The following CCDC126 variants were observed in gnomAD, a reference collection of about 807,000 sequenced individuals.
CCDC126 encodes coiled-coil domain-containing protein 126.
Under a neutral mutation model 11.7 loss-of-function variants are expected in CCDC126, and 5 were observed. That is an observed-to-expected ratio of 0.43 (90% CI 0.22 to 0.90). The LOEUF (loss-of-function observed/expected upper bound fraction) is 0.90. CCDC126 is among the 40% of genes least tolerant of loss of function. The probability of loss-of-function intolerance (pLI) is 0.27; values close to 1 mark genes in which losing one functional copy is unlikely to be tolerated. For missense variants in CCDC126, 150 were observed against 163.1 expected, an observed-to-expected ratio of 0.92 and a Z score of 0.44; for synonymous variants, 60 against 61.9, an observed-to-expected ratio of 0.97 and a Z score of 0.14.
chr7:23,612,603 G>T (rs1280748195), intron 3 of CCDC126, among the ~76,000 whole-genome samples: 1 of 151,604 alleles, frequency 6.6e-6, no homozygotes, highest in Admixed American at 6.6e-5. Context: ...AGCCCAAGAG[G>T]TCAAGGATAC....
rs951385426 is a variant in CCDC126 at position 23,636,750 on chromosome 7, A to T, written c.239-6181A>T. ...TGAGGAGCGTCTCCGCCCGGCAGCCACCCCGTCCGGGAGGGAGGTGGGGGG... is the reference window on the plus strand; with the variant it reads ...TGAGGAGCGTCTCCGCCCGGCAGCCTCCCCGTCCGGGAGGGAGGTGGGGGG... On this transcript the variant is annotated intron_variant, in intron 3 of 3. Coordinates refer to ENST00000307471, the MANE Select transcript of CCDC126 (RefSeq NM_138771.4). 2.4e-5 allele frequency among the ~76,000 whole-genome samples: 3 copies of T among 124,524 alleles called. 1 individual carries two copies. Among genetic ancestry groups the T allele is most frequent in the East Asian group, 2.5e-4 (1 of 3,956 alleles). The allele number at this position is 124,524 out of a possible 152,430, so 81.7% of individuals were successfully genotyped here.
chr7:23,621,792 G>T (rs905151507), intron 3 of CCDC126, among the ~76,000 whole-genome samples: 13 of 152,260 alleles, frequency 8.5e-5, no homozygotes, highest in Middle Eastern at 3.4e-3. Context: ...TAGCATGAAG[G>T]CCTGTTGAAT....
At chr7:23,632,974 CAT>C (rs751167575) in intron 3 of CCDC126, among the ~76,000 whole-genome samples, 2 of 152,196 alleles carry the variant, frequency 1.3e-5, no homozygotes, top group Non-Finnish European at 2.9e-5. Context: ...TTAGTTCACT[CAT>C]GTGATCTAAA....
rs200378392 is a variant in CCDC126 at position 23,635,866 on chromosome 7, G to GCTCTCCCTCTCCCTCTCC, written c.239-7051_239-7034dup. On this transcript the variant is annotated intron_variant, in intron 3 of 3. Transcript: ENST00000307471. ...TGTTAATGAGTTAAGACTGTCCCCT[G>GCTCTCCCTCTCCCTCTCC]CTCTCCCTCTCCCTCTCCCTCTCCC... Among the ~76,000 whole-genome samples the GCTCTCCCTCTCCCTCTCC allele has an allele frequency of 5.9e-5, 9 of 151,752 alleles. 1 individual carries two copies. Among genetic ancestry groups the GCTCTCCCTCTCCCTCTCC allele is most frequent in the South Asian group, 2.1e-4 (1 of 4,776 alleles).
intron 3 of CCDC126, among the ~76,000 whole-genome samples, chr7:23,632,316 G>T (rs113859094): frequency 4.7e-4 from 72 of 152,202 alleles, no homozygotes; most frequent in African/African-American, 1.7e-3. Flanking sequence ...GCTGGTCTTG[G>T]AACTCCTGAC....
At chr7:23,601,797 C>G (rs1782549398) in intron 2 of CCDC126, 1 of 152,180 alleles carries the variant, frequency 6.6e-6, no homozygotes, top group Non-Finnish European at 1.5e-5. Flanking sequence ...AGTCCTCCTG[C>G]CTCACCCTCC....
At chr7:23,630,766 A>G (rs377630984) in intron 3 of CCDC126, among the ~76,000 whole-genome samples, 3 of 151,152 alleles carry the variant, frequency 2.0e-5, no homozygotes, top group Non-Finnish European at 4.4e-5. Context: ...AATATTTACC[A>G]AAGTAGACCT....
intron 3 of CCDC126, among the ~76,000 whole-genome samples, chr7:23,626,398 C>T (rs1384540086): frequency 6.6e-6 from 1 of 152,036 alleles, no homozygotes; most frequent in East Asian, 1.9e-4. Flanking sequence ...TACAAATAAG[C>T]TAGTCAATCA....
chr7:23,637,905 G>A (rs1783267247), intron 3 of CCDC126, among the ~76,000 whole-genome samples: 1 of 120,340 alleles, frequency 8.3e-6, no homozygotes. Context: ...CTGCCCGGCC[G>A]CCCCTACTGG....
chr7:23,628,884 C>G (rs889022537), intron 3 of CCDC126, among the ~76,000 whole-genome samples: 1 of 152,150 alleles, frequency 6.6e-6, no homozygotes, highest in African/African-American at 2.4e-5. Context: ...CCCTTCTCCA[C>G]CCAGCAGAGT....
intron 3 of CCDC126, among the ~76,000 whole-genome samples, chr7:23,638,748 C>CAAAA (rs1783294293): frequency 1.3e-5 from 1 of 78,818 alleles, no homozygotes; most frequent in Non-Finnish European, 2.6e-5. Flanking sequence ...AAAAAAAAAC[C>CAAAA]AAAAAGATCT....
chr7:23,628,617 G>T (rs1783053947), intron 3 of CCDC126, among the ~76,000 whole-genome samples: 1 of 152,208 alleles, frequency 6.6e-6, no homozygotes, highest in African/African-American at 2.4e-5. Context: ...GTTAGAGAAG[G>T]CAGTAGGAGC....
At chr7:23,636,154 G>C (rs1325933728) in intron 3 of CCDC126, among the ~76,000 whole-genome samples, 2 of 152,162 alleles carry the variant, frequency 1.3e-5, no homozygotes, top group African/African-American at 4.8e-5. Context: ...ACGGAGTCTC[G>C]TTCACTCAGT....
intron 2 of CCDC126, among the ~76,000 whole-genome samples, chr7:23,608,817 C>T (rs900901127): frequency 1.3e-5 from 2 of 152,070 alleles, no homozygotes; most frequent in Non-Finnish European, 2.9e-5. Flanking sequence ...GTATGGGAAA[C>T]CAGAATTTTA....
chr7:23,640,991 GGTTTTTTT>G (rs1448117505), intron 3 of CCDC126, among the ~76,000 whole-genome samples: 9 of 110,978 alleles, frequency 8.1e-5, no homozygotes, highest in East Asian at 5.0e-4. Flanking sequence ...GAATCCTTTT[GGTTTTTTT>G]TTTTTTTTTT....
rs1352731419 is a variant in CCDC126 at position 23,611,168 on chromosome 7, CAG to C, written c.-145_-144del. On this transcript the variant is annotated splice_acceptor_variant, in intron 2 of 3. Transcript: ENST00000307471. LOFTEE classifies it low-confidence loss of function (5UTR_SPLICE). Reference sequence around the variant, plus strand: ...AATACTGTTTTTCTTCTTAATTTTACAGAGTTAATAGAGTGGATACAACCTTG... The same window carrying C: ...AATACTGTTTTTCTTCTTAATTTTACAGTTAATAGAGTGGATACAACCTTG... 5 of 592,548 alleles carry C rather than the reference CAG, an allele frequency of 8.4e-6. No homozygotes were observed. The highest frequency in any genetic ancestry group is 3.7e-5 in the African/African-American group (2 of 53,690). 36.7% of individuals were successfully genotyped at this position (592,548 alleles called of 1,614,324 possible).
At position 23,609,679 on chromosome 7, in the gene CCDC126, C is replaced by T. The variant is rs572912695; in HGVS notation, c.-145-1492C>T. Among the ~76,000 whole-genome samples, 12 of 151,912 alleles carry T rather than the reference C, an allele frequency of 7.9e-5. No homozygotes were observed. The East Asian group carries it at 2.1e-3, about 27-fold the overall frequency. Reference sequence around the variant, plus strand: ...GTTCAGGAGTTCGAGACTAGCCTGGCAACATGGCAAAAGCCCTTCTCTACA... The same window carrying T: ...GTTCAGGAGTTCGAGACTAGCCTGGTAACATGGCAAAAGCCCTTCTCTACA... On this transcript the variant is annotated intron_variant, in intron 2 of 3. Coordinates refer to ENST00000307471, the MANE Select transcript of CCDC126 (RefSeq NM_138771.4).
At chr7:23,608,704 ATGG>A (rs903967213) in intron 2 of CCDC126, among the ~76,000 whole-genome samples, 22 of 152,192 alleles carry the variant, frequency 1.4e-4, no homozygotes, top group Non-Finnish European at 7.3e-5. Context: ...GAACTGCCTA[ATGG>A]TGGTTCTAAT....
At chr7:23,605,399 TTGTGTGTGTG>T (rs3219575) in intron 2 of CCDC126, among the ~76,000 whole-genome samples, 28,552 of 148,778 alleles carry the variant, frequency 0.19, 3,085 homozygotes, top group Non-Finnish European at 0.25. Context: ...TGTGATATGC[TTGTGTGTGTG>T]TGTGTGTGTG....
Sources: gnomAD v4.1 joint callset for allele counts (sites outside exome capture counted in the v4.1 genomes callset) on GRCh38, gnomAD v4.1.1 for gene constraint, MANE v1.5 for transcripts, NCBI Gene and HGNC (gene_info 2026-07-23, HGNC 2026-07-21) for gene names.